Variants in DHRSX observed in about 807,000 individuals in gnomAD.
The protein encoded by DHRSX is polyprenol dehydrogenase.
In DHRSX, 31 loss-of-function variants were observed where a neutral mutation model predicts 34.0. That is an observed-to-expected ratio of 0.91 (90% CI 0.69 to 1.23). DHRSX has a LOEUF of 1.23. Among genes scored for constraint, DHRSX ranks in the 50% most tolerant of loss-of-function variants. The pLI is 0.00. For missense variants in DHRSX, 414 were observed against 428.1 expected, an observed-to-expected ratio of 0.97 and a Z score of 0.29; for synonymous variants, 201 against 183.8, an observed-to-expected ratio of 1.09 and a Z score of -0.76.
intron 3 of DHRSX, among the ~76,000 whole-genome samples, chrX:2,403,121 C>T (rs1188493278): frequency 1.3e-5 from 2 of 152,060 alleles, no homozygotes; most frequent in Non-Finnish European, 2.9e-5. Flanking sequence ...GACCTCAAGT[C>T]ATCCACCTGC....
At chrX:2,483,911 GA>G (rs1170906424) in intron 1 of DHRSX, among the ~76,000 whole-genome samples, 4 of 151,830 alleles carry the variant, frequency 2.6e-5, no homozygotes, top group Admixed American at 1.3e-4. Flanking sequence ...ATGGTTGGGG[GA>G]AAAAAAGAAG....
chrX:2,268,986 C>A (rs909859400), intron 4 of DHRSX, among the ~76,000 whole-genome samples: 1 of 152,160 alleles, frequency 6.6e-6, no homozygotes, highest in Non-Finnish European at 1.5e-5. Flanking sequence ...CATATGGACA[C>A]GTTTGTGTTC....
At chrX:2,500,710 C>G (rs1227529682) in intron 1 of DHRSX, 107 bp downstream of exon 1, 1 of 251,044 alleles carries the variant, frequency 4.0e-6, no homozygotes, top group African/African-American at 2.6e-5. Flanking sequence ...CTTCCGGGAG[C>G]GCCACCGCCT....
At position 2,367,290 on chromosome X, in the gene DHRSX, T is replaced by G. The variant is rs778652253; in HGVS notation, c.286+41455A>C. Among the ~76,000 whole-genome samples the G allele has an allele frequency of 9.2e-5, 14 of 151,772 alleles. No individual in the cohort carries two copies. The South Asian group carries it at 2.9e-3, about 32-fold the overall frequency. ...CCGTCTCTACTAAAAATACAAAAAT[T>G]AGCCACGCGTGGTGGTAGGTGCCTG... On this transcript the variant is annotated intron_variant, in intron 3 of 6. Transcript: ENST00000334651.
chrX:2,224,840 TCA>T (rs1180706463), intron 6 of DHRSX, among the ~76,000 whole-genome samples: 2 of 149,772 alleles, frequency 1.3e-5, no homozygotes, highest in African/African-American at 5.0e-5. Flanking sequence ...TCACATATAC[TCA>T]TTCACATGCA....
At chrX:2,262,919 C>T (rs1487575815) in intron 5 of DHRSX, among the ~76,000 whole-genome samples, 3 of 152,234 alleles carry the variant, frequency 2.0e-5, no homozygotes, top group Admixed American at 6.5e-5. Flanking sequence ...CACGGCCCTC[C>T]CTTCGTTACA....
chrX:2,250,519 G>T (rs1041937120), intron 5 of DHRSX, among the ~76,000 whole-genome samples: 1 of 152,126 alleles, frequency 6.6e-6, no homozygotes, highest in Non-Finnish European at 1.5e-5. Flanking sequence ...AATTCCCGGA[G>T]CTGAAGGTTC....
chrX:2,477,848 G>C (rs375304440), intron 1 of DHRSX, among the ~76,000 whole-genome samples: 1 of 148,778 alleles, frequency 6.7e-6, no homozygotes, highest in Non-Finnish European at 1.5e-5. Context: ...GCAAGACTCC[G>C]TCTCAAAAAA....
chrX:2,264,405 A>G (rs1221471238), intron 5 of DHRSX, among the ~76,000 whole-genome samples: 1 of 151,512 alleles, frequency 6.6e-6, no homozygotes, highest in Non-Finnish European at 1.5e-5. Context: ...CACCATGCCC[A>G]GAGCACCTGT....
At chrX:2,356,954 T>C (rs775034185) in intron 3 of DHRSX, among the ~76,000 whole-genome samples, 1 of 152,180 alleles carries the variant, frequency 6.6e-6, no homozygotes, top group South Asian at 2.1e-4. Flanking sequence ...AATCAAAAGG[T>C]GCACATGGGC....
intron 3 of DHRSX, among the ~76,000 whole-genome samples, chrX:2,309,973 G>A (rs992868938): frequency 6.6e-6 from 1 of 152,116 alleles, no homozygotes; most frequent in African/African-American, 2.4e-5. Context: ...AGCGCTTGTG[G>A]AGAAGGCGTT....
chrX:2,488,828 G>A, intron 1 of DHRSX: 1 of 1,613,878 alleles, frequency 6.2e-7, no homozygotes, highest in South Asian at 1.1e-5. Context: ...GTTCCTCTTG[G>A]CGCTGACCAC....
chrX:2,402,352 G>A (rs1220594381), intron 3 of DHRSX, among the ~76,000 whole-genome samples: 1 of 152,232 alleles, frequency 6.6e-6, no homozygotes, highest in Non-Finnish European at 1.5e-5. Context: ...CCAGAGAGAA[G>A]CACAATTTAG....
intron 6 of DHRSX, among the ~76,000 whole-genome samples, chrX:2,237,608 G>A (rs1352087029): frequency 4.0e-5 from 6 of 151,720 alleles, no homozygotes; most frequent in Admixed American, 2.6e-4. Context: ...GGGTTCAAGC[G>A]ATTCTCCTGC....
intron 3 of DHRSX, among the ~76,000 whole-genome samples, chrX:2,368,966 G>A (rs1357053621): frequency 6.6e-6 from 1 of 152,096 alleles, no homozygotes; most frequent in Non-Finnish European, 1.5e-5. Flanking sequence ...AAGTAAATAA[G>A]TAAATAAAAA....
chrX:2,231,954 CTT>C (rs1397111754), intron 6 of DHRSX, among the ~76,000 whole-genome samples: 2 of 61,746 alleles, frequency 3.2e-5, no homozygotes, highest in African/African-American at 1.2e-4. Flanking sequence ...TCCTCCTTCT[CTT>C]TTCTTTCTGC....
intron 6 of DHRSX, among the ~76,000 whole-genome samples, chrX:2,225,354 ACACATGCACACATGCTCACACTCATT>A (rs1458676228): frequency 4.7e-5 from 7 of 150,220 alleles, no homozygotes; most frequent in African/African-American, 9.8e-5. Context: ...GTACGCACAT[ACACATGCACACATGCTCACACTCATT>A]CACATGCACA....
At chrX:2,247,982 G>A (rs962680804) in intron 5 of DHRSX, among the ~76,000 whole-genome samples, 89 of 152,170 alleles carry the variant, frequency 5.8e-4, no homozygotes, top group Non-Finnish European at 9.6e-4. Flanking sequence ...CCTACACCCT[G>A]AGTATATAAA....
chrX:2,477,791 G>T (rs2044703212), intron 1 of DHRSX, among the ~76,000 whole-genome samples: 1 of 151,796 alleles, frequency 6.6e-6, no homozygotes, highest in Non-Finnish European at 1.5e-5. Context: ...GTTACAGTGA[G>T]CCGAGATCCC....
Sources: gnomAD v4.1 joint callset for allele counts (sites outside exome capture counted in the v4.1 genomes callset) on GRCh38, gnomAD v4.1.1 for gene constraint, MANE v1.5 for transcripts, NCBI Gene and HGNC (gene_info 2026-07-23, HGNC 2026-07-21) for gene names.